Variants in CCAR1 observed in about 807,000 individuals in gnomAD.
CCAR1 encodes the protein cell division cycle and apoptosis regulator protein 1.
In CCAR1, 78 loss-of-function variants were observed where a neutral mutation model predicts 163.8. The observed-to-expected ratio is 0.48, with a 90% CI of 0.40 to 0.57. The LOEUF (loss-of-function observed/expected upper bound fraction) is 0.57. CCAR1 is among the 20% of genes least tolerant of loss of function. The pLI is 0.00. For missense variants in CCAR1, 1,019 were observed against 1,365.2 expected, an observed-to-expected ratio of 0.75 and a Z score of 4.00; for synonymous variants, 443 against 460.7, an observed-to-expected ratio of 0.96 and a Z score of 0.49.
At chr10:68,762,837 TAAAAG>T (rs969955615) in intron 16 of CCAR1, among the ~76,000 whole-genome samples, 9 of 152,208 alleles carry the variant, frequency 5.9e-5, no homozygotes, top group African/African-American at 1.9e-4. Context: ...TAATGAAAGA[TAAAAG>T]AAAGAAGTGG....
At chr10:68,757,503 C>T in intron 15 of CCAR1, 126 bp downstream of exon 15, 1 of 516,016 alleles carries the variant, frequency 1.9e-6, no homozygotes. Context: ...CAGCCTCTGC[C>T]TCCTGGGTTC....
intron 23 of CCAR1, among the ~76,000 whole-genome samples, chr10:68,789,201 GC>G (rs1472322332): frequency 6.6e-6 from 1 of 151,864 alleles, no homozygotes; most frequent in Non-Finnish European, 1.5e-5. Flanking sequence ...GAGCCACTGC[GC>G]CTGGCCTCCA....
At chr10:68,781,288 A>G (rs1032790411) in intron 19 of CCAR1, among the ~76,000 whole-genome samples, 1 of 152,028 alleles carries the variant, frequency 6.6e-6, no homozygotes, top group Non-Finnish European at 1.5e-5. Context: ...CATACCTGTA[A>G]TCCCGGCACT....
intron 19 of CCAR1, among the ~76,000 whole-genome samples, chr10:68,785,757 TC>T (rs2056788916): frequency 6.6e-6 from 1 of 152,208 alleles, no homozygotes; most frequent in Admixed American, 6.5e-5. Context: ...TAGCAGCCAT[TC>T]CCCATCTTCC....
chr10:68,754,925 T>C, intron 12 of CCAR1, 98 bp downstream of exon 12: 2 of 682,102 alleles, frequency 2.9e-6, no homozygotes, highest in Admixed American at 2.7e-5. Context: ...TAATATTTGT[T>C]GATTAATGAG....
chr10:68,756,564 A>G lies in CCAR1; in HGVS notation c.1836+81A>G, dbSNP rs751841795. 4.6e-6 allele frequency: 5 copies of G among 1,078,070 alleles called. No homozygotes were observed. Among genetic ancestry groups the G allele is most frequent in the Middle Eastern group, 1.9e-4 (1 of 5,138 alleles). 66.8% of individuals were successfully genotyped at this position (1,078,070 alleles called of 1,614,324 possible). ...GGCACAAATGCACACCACACACTAC[A>G]TAATAAACACACATGGAGGAACATA... On this transcript the variant is annotated intron_variant, in intron 14 of 24. Transcript: ENST00000265872. This position sits in a 1 kb window ranked among gnomAD's most constrained non-coding sequence, Gnocchi z 5.1.
intron 19 of CCAR1, among the ~76,000 whole-genome samples, chr10:68,781,987 C>G (rs193028172): frequency 6.6e-6 from 1 of 152,214 alleles, no homozygotes; most frequent in East Asian, 1.9e-4. Context: ...TTTTTGGCGT[C>G]AGTTAGCCAT....
At chr10:68,727,420 C>T (rs1277654150) in intron 2 of CCAR1, among the ~76,000 whole-genome samples, 2 of 152,022 alleles carry the variant, frequency 1.3e-5, no homozygotes, top group African/African-American at 4.8e-5. Context: ...AATTTGTTTA[C>T]GTCTCACAGG....
In CCAR1 at chr10:68,791,273, C is replaced by T; in HGVS notation, c.*7C>T. 1 of 1,575,520 alleles carries T rather than the reference C, an allele frequency of 6.3e-7. No homozygotes were observed. Reference sequence around the variant, plus strand: ...GAATGGTGCCAGTGTATGATAAAATCCATGTAGTGATGAGGAATGGTGTTA... The same window carrying T: ...GAATGGTGCCAGTGTATGATAAAATTCATGTAGTGATGAGGAATGGTGTTA... On this transcript the variant is annotated 3_prime_UTR_variant, in exon 25 of 25. Coordinates refer to ENST00000265872, the MANE Select transcript of CCAR1 (RefSeq NM_018237.4).
At chr10:68,738,231 A>G (rs373251387) in intron 4 of CCAR1, among the ~76,000 whole-genome samples, 47 of 152,270 alleles carry the variant, frequency 3.1e-4, no homozygotes, top group African/African-American at 1.1e-3. Context: ...CCTGACCAAC[A>G]TGGAGAAACC....
intron 6 of CCAR1, among the ~76,000 whole-genome samples, chr10:68,743,396 C>T (rs2056209551): frequency 6.6e-6 from 1 of 151,820 alleles, no homozygotes; most frequent in South Asian, 2.1e-4. Context: ...GAACTCCCGA[C>T]CTCACGATCC....
intron 4 of CCAR1, among the ~76,000 whole-genome samples, chr10:68,739,703 A>G (rs1010158580): frequency 3.3e-5 from 5 of 152,172 alleles, no homozygotes; most frequent in African/African-American, 4.8e-5. Context: ...TACATTTTTA[A>G]AGATGATAAT....
chr10:68,731,778 A>G (rs1158069811), intron 2 of CCAR1, among the ~76,000 whole-genome samples: 1 of 151,854 alleles, frequency 6.6e-6, no homozygotes, highest in Non-Finnish European at 1.5e-5. Flanking sequence ...TTGAGTAGAG[A>G]TGGGGTTTCG....
chr10:68,740,571 T>C, intron 4 of CCAR1, 58 bp from the exon 5 acceptor site: 1 of 1,332,166 alleles, frequency 7.5e-7, no homozygotes, highest in Non-Finnish European at 1.1e-6. Flanking sequence ...ATGAAGCATC[T>C]ATGAAGCAAC....
chr10:68,765,053 C>G (rs990889682), intron 16 of CCAR1, among the ~76,000 whole-genome samples: 10 of 152,124 alleles, frequency 6.6e-5, no homozygotes, highest in African/African-American at 2.4e-4. Context: ...TCTGCTCTTA[C>G]GTTTTGTTGT....
chr10:68,768,994 T>A (rs1377417564), intron 17 of CCAR1, among the ~76,000 whole-genome samples: 2 of 152,166 alleles, frequency 1.3e-5, no homozygotes, highest in Non-Finnish European at 2.9e-5. Flanking sequence ...ACCCTTTTTT[T>A]GAGACAGTCT....
At chr10:68,785,564 A>G (rs1271458190) in intron 19 of CCAR1, among the ~76,000 whole-genome samples, 1 of 152,142 alleles carries the variant, frequency 6.6e-6, no homozygotes, top group African/African-American at 2.4e-5. Flanking sequence ...AATTTGTTTG[A>G]CTAGCTTTAT....
intron 24 of CCAR1, 79 bp from the exon 25 acceptor site, chr10:68,791,128 T>C (rs1365507418): frequency 4.0e-6 from 3 of 744,206 alleles, no homozygotes; most frequent in Non-Finnish European, 6.4e-6. Context: ...CCAAACTGAA[T>C]ACCATTGTAC....
chr10:68,775,896 C>A (rs915163857), intron 19 of CCAR1, among the ~76,000 whole-genome samples: 6 of 151,840 alleles, frequency 4.0e-5, no homozygotes, highest in Non-Finnish European at 8.8e-5. Context: ...GGAGTTTTAC[C>A]ATGTTGGCCA....
Sources: gnomAD v4.1 joint callset for allele counts (sites outside exome capture counted in the v4.1 genomes callset) on GRCh38, gnomAD v4.1.1 for gene constraint, Gnocchi (gnomAD v3.1) non-coding constraint, MANE v1.5 for transcripts, NCBI Gene and HGNC (gene_info 2026-07-23, HGNC 2026-07-21) for gene names.